The following ATXN10 variants were observed in gnomAD, a reference collection of about 807,000 sequenced individuals.
ATXN10 encodes ataxin-10.
In ATXN10, 28 loss-of-function variants were observed where a neutral mutation model predicts 52.9. That is an observed-to-expected ratio of 0.53 (90% CI 0.39 to 0.73). ATXN10 has a LOEUF of 0.73. ATXN10 is among the 30% of genes least tolerant of loss of function. ATXN10 has a pLI of 0.00. For synonymous variants in ATXN10, 226 were observed against 221.5 expected, an observed-to-expected ratio of 1.02 and a Z score of -0.18; for missense variants, 565 against 577.0, an observed-to-expected ratio of 0.98 and a Z score of 0.21.
Position 45,718,441 on chromosome 22 carries a change from A to G in ATXN10, c.676A>G (p.Lys226Glu), listed in dbSNP as rs1924528729. ...PFLIITDLFL[K>E]SPELVQAMFP... ...CTTGATTATTACAGACCTCTTTCTG[A>G]AAAGCCCGGAATTGGTACAAGCCAT... Residue 226 changes from lysine (K) to glutamate (E), a missense_variant, in exon 6 of 12, where the codon AAA becomes GAA. Coordinates refer to ENST00000252934, the MANE Select transcript of ATXN10 (RefSeq NM_013236.4). This position sits in a 1 kb window ranked among gnomAD's most constrained non-coding sequence, Gnocchi z 4.4. 1 of 1,613,606 alleles carries G rather than the reference A, an allele frequency of 6.2e-7. No homozygotes were observed. Among genetic ancestry groups the G allele is most frequent in the Admixed American group, 1.7e-5 (1 of 59,986 alleles).
chr22:45,802,276 G>T (rs917380012), intron 9 of ATXN10, among the ~76,000 whole-genome samples: 2 of 152,172 alleles, frequency 1.3e-5, no homozygotes, highest in African/African-American at 4.8e-5. Flanking sequence ...TTAATTACGG[G>T]CCTACAATCA....
At chr22:45,697,716 G>C (rs1003094636) in intron 3 of ATXN10, among the ~76,000 whole-genome samples, 2 of 152,012 alleles carry the variant, frequency 1.3e-5, no homozygotes, top group Non-Finnish European at 2.9e-5. Flanking sequence ...TGCAGGCTCC[G>C]CCCCCTGGGG....
intron 9 of ATXN10, among the ~76,000 whole-genome samples, chr22:45,778,239 A>T (rs1420359919): frequency 6.6e-6 from 1 of 152,192 alleles, no homozygotes; most frequent in Non-Finnish European, 1.5e-5. Context: ...TTTGTACCTT[A>T]ATTTTTCCCC....
rs553487164 is a variant in ATXN10 at position 45,762,712 on chromosome 22, C to T, written c.1173+22174C>T. On this transcript the variant is annotated intron_variant, in intron 9 of 11. Coordinates refer to ENST00000252934, the MANE Select transcript of ATXN10 (RefSeq NM_013236.4). The surrounding 1 kb of genome is among the most constrained non-coding windows in gnomAD (Gnocchi z 4.3). Reference sequence around the variant, plus strand: ...CCCCAGAGGCCACCTCACTCTTACTCCTGTCTCCAGGCTGGTGACCTCACA... The same window carrying T: ...CCCCAGAGGCCACCTCACTCTTACTTCTGTCTCCAGGCTGGTGACCTCACA... 2.0e-5 allele frequency among the ~76,000 whole-genome samples: 3 copies of T among 152,324 alleles called. No individual in the cohort carries two copies. The highest frequency in any genetic ancestry group is 2.1e-4 in the South Asian group (1 of 4,826).
At position 45,800,907 on chromosome 22, in the gene ATXN10, A is replaced by C. The variant is rs369025221; in HGVS notation, c.1174-6052A>C. 7.2e-5 allele frequency among the ~76,000 whole-genome samples: 11 copies of C among 152,360 alleles called. No individual in the cohort carries two copies. In the South Asian group the frequency reaches 1.9e-3, roughly 26 times the overall value. On this transcript the variant is annotated intron_variant, in intron 9 of 11. Coordinates refer to ENST00000252934, the MANE Select transcript of ATXN10 (RefSeq NM_013236.4). ...ATGGGGCAGGGGCGAGGTGAGCTGCAGTGATTGCAGAGCTGCGCAAGGAGC... is the reference window on the plus strand; with the variant it reads ...ATGGGGCAGGGGCGAGGTGAGCTGCCGTGATTGCAGAGCTGCGCAAGGAGC...
chr22:45,697,068 A>C (rs1923635820), intron 3 of ATXN10, among the ~76,000 whole-genome samples: 1 of 152,218 alleles, frequency 6.6e-6, no homozygotes, highest in East Asian at 1.9e-4. Context: ...ACTATTTTAA[A>C]GTGAACAATC....
Position 45,708,914 on chromosome 22 carries a change from C to G in ATXN10, c.647+6067C>G, listed in dbSNP as rs111922916. Among the ~76,000 whole-genome samples, 1 of 152,232 alleles carries G rather than the reference C, an allele frequency of 6.6e-6. No individual in the cohort carries two copies. Among genetic ancestry groups the G allele is most frequent in the African/African-American group, 2.4e-5 (1 of 41,458 alleles). On this transcript the variant is annotated intron_variant, in intron 5 of 11. Coordinates refer to ENST00000252934, the MANE Select transcript of ATXN10 (RefSeq NM_013236.4). This position sits in a 1 kb window ranked among gnomAD's most constrained non-coding sequence, Gnocchi z 5.3. ...CCTGTCTCCCAAAGTGCTGGGATTA[C>G]AGGCATGAGCCACCGTGCCCACCTA...
chr22:45,822,685 C>T (rs1928690979), intron 10 of ATXN10, among the ~76,000 whole-genome samples: 1 of 151,912 alleles, frequency 6.6e-6, no homozygotes. Context: ...TGCCCGCCAC[C>T]ACACCTGGCT....
At position 45,769,870 on chromosome 22, in the gene ATXN10, A is replaced by C. The variant is rs1926716420; in HGVS notation, c.1173+29332A>C. ...GTGTCAGGAAGTTAAAAAATATAAA[A>C]AATTTTCTGATGAAATGTAAGTTAT... On this transcript the variant is annotated intron_variant, in intron 9 of 11. Transcript: ENST00000252934. This position sits in a 1 kb window ranked among gnomAD's most constrained non-coding sequence, Gnocchi z 4.2. Among the ~76,000 whole-genome samples, 1 of 152,212 alleles carries C rather than the reference A, an allele frequency of 6.6e-6. No homozygotes were observed.
chr22:45,764,140 C>G (rs926411410), intron 9 of ATXN10, among the ~76,000 whole-genome samples: 1 of 152,190 alleles, frequency 6.6e-6, no homozygotes, highest in Non-Finnish European at 1.5e-5. Flanking sequence ...CATACGCTTG[C>G]TTGCTAAGTC....
rs1668288456 is a variant in ATXN10, at chr22:45,744,245, C to T, written c.1173+3707C>T. Among the ~76,000 whole-genome samples, 1 of 152,134 alleles carries T rather than the reference C, an allele frequency of 6.6e-6. No homozygotes were observed. Among genetic ancestry groups the T allele is most frequent in the South Asian group, 2.1e-4 (1 of 4,826 alleles). ...CAAAACTACTCATGACACAGATTTT[C>T]CTAAAATCTTTGTGTACTGCCTGAT... is the stretch of plus-strand genomic sequence containing the variant. On this transcript the variant is annotated intron_variant, in intron 9 of 11. Coordinates refer to ENST00000252934, the MANE Select transcript of ATXN10 (RefSeq NM_013236.4). This position sits in a 1 kb window ranked among gnomAD's most constrained non-coding sequence, Gnocchi z 4.9.
Position 45,823,822 on chromosome 22 carries a change from G to A in ATXN10, c.1237+16800G>A, listed in dbSNP as rs1362792329. On this transcript the variant is annotated intron_variant, in intron 10 of 11. Transcript: ENST00000252934. This position sits in a 1 kb window ranked among gnomAD's most constrained non-coding sequence, Gnocchi z 4.9. ...AATGGTTGATCAAAAAAGAGACACT[G>A]TGTGCTCCCATGAAGGTTTCAGTAT... 6.6e-6 allele frequency among the ~76,000 whole-genome samples: 1 copy of A among 152,174 alleles called. No individual in the cohort carries two copies. The highest frequency in any genetic ancestry group is 2.4e-5 in the African/African-American group (1 of 41,440).
intron 5 of ATXN10, among the ~76,000 whole-genome samples, chr22:45,707,541 A>G (rs1199843758): frequency 6.6e-6 from 1 of 150,840 alleles, no homozygotes; most frequent in Non-Finnish European, 1.5e-5. Flanking sequence ...TTTGTTGAGT[A>G]CCTTGGGTCT....
chr22:45,799,096 T>TTC (rs1320163593), intron 9 of ATXN10, among the ~76,000 whole-genome samples: 1 of 151,430 alleles, frequency 6.6e-6, no homozygotes, highest in Non-Finnish European at 1.5e-5. Context: ...TGTTTTTCTT[T>TTC]TGAGACAGAG....
Position 45,826,394 on chromosome 22 carries a change from A to T in ATXN10, c.1238-16597A>T, listed in dbSNP as rs1843579118. Reference sequence around the variant, plus strand: ...AGAGAGAATATCTGAAGAAATAAGGACTGAAAATTTTCCACATTTGATGGA... The same window carrying T: ...AGAGAGAATATCTGAAGAAATAAGGTCTGAAAATTTTCCACATTTGATGGA... On this transcript the variant is annotated intron_variant, in intron 10 of 11. Coordinates refer to ENST00000252934, the MANE Select transcript of ATXN10 (RefSeq NM_013236.4). The surrounding 1 kb of genome is among the most constrained non-coding windows in gnomAD (Gnocchi z 5.0). Among the ~76,000 whole-genome samples the T allele has an allele frequency of 6.6e-6, 1 of 152,198 alleles. No individual in the cohort carries two copies. The highest frequency in any genetic ancestry group is 2.4e-5 in the African/African-American group (1 of 41,454).
At chr22:45,698,450 C>T (rs1190594444) in intron 3 of ATXN10, among the ~76,000 whole-genome samples, 1 of 152,124 alleles carries the variant, frequency 6.6e-6, no homozygotes, top group Non-Finnish European at 1.5e-5. Flanking sequence ...GTCCAGTTTT[C>T]AATTGGGCTG....
intron 10 of ATXN10, among the ~76,000 whole-genome samples, chr22:45,814,677 C>T (rs780530506): frequency 3.3e-5 from 5 of 152,208 alleles, no homozygotes; most frequent in African/African-American, 4.8e-5. Context: ...TCCCCTCAGC[C>T]GCAGACCTGG....
At chr22:45,739,308 TTAAAAGTA>T (rs1377580797) in intron 8 of ATXN10, among the ~76,000 whole-genome samples, 2 of 152,242 alleles carry the variant, frequency 1.3e-5, no homozygotes, top group Non-Finnish European at 2.9e-5. Context: ...GAAACCATTG[TTAAAAGTA>T]TTACCAACCT....
At chr22:45,812,807 CGT>C (rs1569075130) in intron 10 of ATXN10, among the ~76,000 whole-genome samples, 1 of 152,166 alleles carries the variant, frequency 6.6e-6, no homozygotes, top group Non-Finnish European at 1.5e-5. Context: ...GGAGTCTACC[CGT>C]GCCCCATGGG....
Sources: allele counts gnomAD v4.1 joint callset (sites outside exome capture counted in the v4.1 genomes callset), GRCh38; gene constraint gnomAD v4.1.1; non-coding constraint Gnocchi (gnomAD v3.1); transcripts MANE v1.5; gene names NCBI Gene and HGNC (gene_info 2026-07-23, HGNC 2026-07-21).